CDYL2: variants seen among roughly 807,000 people sequenced by gnomAD.
CDYL2 encodes chromodomain Y-like protein 2.
In CDYL2, 23 loss-of-function variants were observed where a neutral mutation model predicts 49.4. That is an observed-to-expected ratio of 0.47 (90% CI 0.34 to 0.66). The LOEUF (loss-of-function observed/expected upper bound fraction) is 0.66, where lower values mean the gene tolerates loss of function less well. Among genes scored for constraint, CDYL2 ranks in the 30% least tolerant of loss-of-function variants. The pLI, the probability that CDYL2 is intolerant of heterozygous loss-of-function variation, is 0.01. For synonymous variants in CDYL2, 360 were observed against 268.8 expected (o/e 1.34, Z -3.32); for missense variants, 678 against 656.4 (o/e 1.03, Z -0.36).
chr16:80,619,356 G>A (rs1431653438), intron 4 of CDYL2, among the ~76,000 whole-genome samples: 2 of 152,180 alleles, frequency 1.3e-5, no homozygotes, highest in African/African-American at 4.8e-5. Context: ...ACTACAAGGG[G>A]TCTGCATGCT....
intron 1 of CDYL2, among the ~76,000 whole-genome samples, chr16:80,753,300 C>T (rs1413021529): frequency 2.0e-5 from 3 of 151,772 alleles, no homozygotes; most frequent in Non-Finnish European, 4.4e-5. Context: ...CTACACCTCA[C>T]ACCATGTATT....
intron 6 of CDYL2, among the ~76,000 whole-genome samples, chr16:80,605,201 GATAAATGATC>G (rs1236848813): frequency 6.6e-6 from 1 of 151,502 alleles, no homozygotes; most frequent in Non-Finnish European, 1.5e-5. Flanking sequence ...CCACAGCTAT[GATAAATGATC>G]ATAAATGATC....
At chr16:80,759,167 T>TATATATGGTTTTTATAC (rs1906442262) in intron 1 of CDYL2, among the ~76,000 whole-genome samples, 1 of 139,478 alleles carries the variant, frequency 7.2e-6, no homozygotes, top group African/African-American at 2.7e-5. Flanking sequence ...GGTTTATATA[T>TATATATGGTTTTTATAC]ATATATATGG....
intron 6 of CDYL2, among the ~76,000 whole-genome samples, chr16:80,607,632 T>C (rs1051266034): frequency 2.0e-5 from 3 of 152,222 alleles, no homozygotes; most frequent in Admixed American, 2.0e-4. Context: ...TTTCAGTGCA[T>C]CTTCAAACAG....
At chr16:80,630,897 C>A (rs1013863700) in intron 3 of CDYL2, among the ~76,000 whole-genome samples, 5 of 152,156 alleles carry the variant, frequency 3.3e-5, no homozygotes, top group African/African-American at 9.7e-5. Context: ...ACGGGGTACA[C>A]TGGACAATGC....
intron 1 of CDYL2, among the ~76,000 whole-genome samples, chr16:80,693,399 G>T (rs1013183968): frequency 2.0e-5 from 3 of 152,054 alleles, no homozygotes; most frequent in African/African-American, 7.2e-5. Flanking sequence ...AAAAGAAATT[G>T]TAATAAAGCA....
At chr16:80,721,748 G>C (rs2142526173) in intron 1 of CDYL2, among the ~76,000 whole-genome samples, 1 of 152,284 alleles carries the variant, frequency 6.6e-6, no homozygotes, top group Admixed American at 6.5e-5. Context: ...CAGGACTGAA[G>C]CTGAGCAGTG....
chr16:80,684,918 C>G lies in CDYL2; in HGVS notation c.236G>C (p.Arg79Pro). 2 of 1,614,156 alleles carry G rather than the reference C, an allele frequency of 1.2e-6. No individual in the cohort carries two copies. Among genetic ancestry groups the G allele is most frequent in the Non-Finnish European group, 1.7e-6 (2 of 1,180,030 alleles). Residue 79 changes from arginine (R) to proline (P), a missense_variant, in exon 2 of 7, where the codon CGT (arginine) becomes CCT (proline). Physicochemically the swap from Arg to Pro is moderately radical, Grantham distance 103 (BLOSUM62 -2). This residue lies in a region of CDYL2 where 478 missense variants were observed against 427.0 expected (regional missense o/e 1.12). Transcript: ENST00000570137. ...GKQSSTSKLL[R>P]DSRGPSVEKL... Reference sequence around the variant, plus strand: ...CTCAACCGACGGGCCTCGACTGTCACGCAGCAGCTTGGAGGTACTGGACTG... The same window carrying G: ...CTCAACCGACGGGCCTCGACTGTCAGGCAGCAGCTTGGAGGTACTGGACTG...
intron 1 of CDYL2, among the ~76,000 whole-genome samples, chr16:80,714,678 C>T (rs1044704087): frequency 1.1e-4 from 17 of 152,106 alleles, no homozygotes; most frequent in African/African-American, 4.1e-4. Context: ...CCATAAAATC[C>T]CAGCATACCT....
intron 1 of CDYL2, among the ~76,000 whole-genome samples, chr16:80,725,414 C>T (rs1905133358): frequency 6.6e-6 from 1 of 152,212 alleles, no homozygotes; most frequent in South Asian, 2.1e-4. Context: ...CGATCCACTT[C>T]TACCCCTAGA....
At chr16:80,688,210 C>T (rs1284109767) in intron 1 of CDYL2, among the ~76,000 whole-genome samples, 1 of 152,170 alleles carries the variant, frequency 6.6e-6, no homozygotes, top group Non-Finnish European at 1.5e-5. Flanking sequence ...GTTCTTCTAC[C>T]TCTGGTCCCA....
intron 1 of CDYL2, among the ~76,000 whole-genome samples, chr16:80,761,933 C>G (rs1365569411): frequency 1.4e-5 from 2 of 147,946 alleles, no homozygotes; most frequent in Non-Finnish European, 3.0e-5. Flanking sequence ...GCACAAAAAT[C>G]CCAGCATTTT....
intron 1 of CDYL2, among the ~76,000 whole-genome samples, chr16:80,783,068 G>T (rs765312252): frequency 1.3e-5 from 2 of 152,044 alleles, no homozygotes; most frequent in Non-Finnish European, 2.9e-5. Context: ...ACTACAATTT[G>T]TGTGCATCAA....
chr16:80,611,418 G>A (rs1196590887), intron 5 of CDYL2, among the ~76,000 whole-genome samples: 1 of 152,152 alleles, frequency 6.6e-6, no homozygotes, highest in African/African-American at 2.4e-5. Flanking sequence ...AGAGTTTGTG[G>A]CTGCTCTGAA....
intron 1 of CDYL2, among the ~76,000 whole-genome samples, chr16:80,790,436 T>C (rs1907573470): frequency 1.3e-5 from 2 of 152,120 alleles, no homozygotes. Flanking sequence ...TTGAAGAAAG[T>C]CCATATATTT....
chr16:80,748,870 A>C (rs968010009), intron 1 of CDYL2, among the ~76,000 whole-genome samples: 2 of 152,186 alleles, frequency 1.3e-5, no homozygotes, highest in African/African-American at 4.8e-5. Context: ...CATGGATACC[A>C]AATTAGCTCA....
intron 1 of CDYL2, among the ~76,000 whole-genome samples, chr16:80,722,034 G>C (rs1303167318): frequency 6.6e-6 from 1 of 152,208 alleles, no homozygotes; most frequent in Non-Finnish European, 1.5e-5. Context: ...CTCAGGAGCT[G>C]AGAGAATGTC....
chr16:80,776,180 C>G (rs1907076224), intron 1 of CDYL2, among the ~76,000 whole-genome samples: 1 of 152,038 alleles, frequency 6.6e-6, no homozygotes, highest in African/African-American at 2.4e-5. Flanking sequence ...AATTAGAAGA[C>G]AACATAATGA....
At chr16:80,685,811 C>G (rs1219269137) in intron 1 of CDYL2, among the ~76,000 whole-genome samples, 3 of 152,150 alleles carry the variant, frequency 2.0e-5, no homozygotes, top group African/African-American at 7.2e-5. Context: ...GGGGTTTGAA[C>G]CACTCTCACC....
Sources: allele counts gnomAD v4.1 joint callset (sites outside exome capture counted in the v4.1 genomes callset), GRCh38; gene constraint gnomAD v4.1.1; regional missense constraint gnomAD v4.1.1; transcripts MANE v1.5; gene names NCBI Gene and HGNC (gene_info 2026-07-23, HGNC 2026-07-21).